The following KIF1B variants were observed in gnomAD, a reference collection of about 807,000 sequenced individuals.
KIF1B encodes the protein kinesin-like protein KIF1B.
Under a neutral mutation model 241.9 loss-of-function variants are expected in KIF1B, and 76 were observed. That is an observed-to-expected ratio of 0.31 (90% confidence interval 0.26 to 0.38). KIF1B has a LOEUF of 0.38. Among genes scored for constraint, KIF1B ranks in the 10% least tolerant of loss-of-function variants. The pLI is 1.00. For missense variants in KIF1B, 1,622 were observed against 2,271.4 expected, an observed-to-expected ratio of 0.71 and a Z score of 5.81; for synonymous variants, 750 against 796.7, an observed-to-expected ratio of 0.94 and a Z score of 0.99.
chr1:10,343,383 A>G (rs543900769), intron 34 of KIF1B, 96 bp downstream of exon 34: 41 of 1,105,194 alleles, frequency 3.7e-5, no homozygotes, highest in Middle Eastern at 1.9e-4. Flanking sequence ...TTGAATTCCT[A>G]TTCTTCTATA....
chr1:10,257,789 C>T (rs1454626646), intron 3 of KIF1B, among the ~76,000 whole-genome samples: 1 of 152,134 alleles, frequency 6.6e-6, no homozygotes, highest in Non-Finnish European at 1.5e-5. Flanking sequence ...AGTTCTCCTG[C>T]TTCAGCCTCC....
chr1:10,318,929 A>G (rs4284268), intron 22 of KIF1B, among the ~76,000 whole-genome samples: 2 of 152,130 alleles, frequency 1.3e-5, no homozygotes, highest in African/African-American at 4.8e-5. Flanking sequence ...TACCTCAGAT[A>G]TACTACATAT....
rs1371178343 is a variant in KIF1B at position 10,232,402 on chromosome 1, A to C, written c.74A>C (p.Lys25Thr). Reference protein sequence around the residue: ...FNSRETSKESKCIIQMQGNST... With the variant: ...FNSRETSKESTCIIQMQGNST... ...TCTCGAGAGACCAGCAAGGAATCCA[A>C]ATGCATCATTCAGATGCAAGGCAAC... Residue 25 changes from lysine (K) to threonine (T), a missense_variant, in exon 2 of 49, where the codon AAA becomes ACA. Physicochemically the swap from Lys to Thr is moderately conservative, Grantham distance 78. Coordinates refer to ENST00000676179, the MANE Select transcript of KIF1B (RefSeq NM_001365951.3). The C allele has an allele frequency of 6.2e-7, 1 of 1,613,930 alleles. No individual in the cohort carries two copies. Among genetic ancestry groups the C allele is most frequent in the Non-Finnish European group, 8.5e-7 (1 of 1,179,956 alleles).
intron 1 of KIF1B, among the ~76,000 whole-genome samples, chr1:10,217,237 A>T (rs1399747037): frequency 6.7e-6 from 1 of 149,706 alleles, no homozygotes; most frequent in Non-Finnish European, 1.5e-5. Flanking sequence ...GCCTTCCAAA[A>T]TGTTGGGATT....
At chr1:10,339,148 T>C (rs938141130) in intron 31 of KIF1B, among the ~76,000 whole-genome samples, 5 of 152,208 alleles carry the variant, frequency 3.3e-5, no homozygotes, top group African/African-American at 1.2e-4. Flanking sequence ...ATATAGCCCA[T>C]TGTTTTAACA....
chr1:10,258,486 T>C lies in KIF1B; in HGVS notation c.184-7T>C, dbSNP rs1337188909. The C allele has an allele frequency of 1.3e-6, 2 of 1,539,450 alleles. No homozygotes were observed. The highest frequency in any genetic ancestry group is 2.2e-5 in the South Asian group (2 of 90,676). ...AGGTTATTTATTTCTCCTTTTACTCTTTACAGCCCGAAGATCCCTGTTTTG... is the reference window on the plus strand; with the variant it reads ...AGGTTATTTATTTCTCCTTTTACTCCTTACAGCCCGAAGATCCCTGTTTTG... On this transcript the variant is annotated splice_region_variant and splice_polypyrimidine_tract_variant and intron_variant, in intron 3 of 48. Coordinates refer to ENST00000676179, the MANE Select transcript of KIF1B (RefSeq NM_001365951.3).
At chr1:10,319,995 T>C in intron 22 of KIF1B, 48 bp from the exon 23 acceptor site, 1 of 1,246,456 alleles carries the variant, frequency 8.0e-7, no homozygotes, top group Non-Finnish European at 1.2e-6. Flanking sequence ...TTCCCTGCCC[T>C]CTTATTTCTT....
chr1:10,249,102 G>A lies in KIF1B; in HGVS notation c.107-7145G>A, dbSNP rs147326813. Among the ~76,000 whole-genome samples, 26 of 152,308 alleles carry A rather than the reference G, an allele frequency of 1.7e-4. No individual in the cohort carries two copies. The East Asian group carries it at 4.6e-3, about 27-fold the overall frequency. ...GCGACTTGTCCTAGACAAAGCCTAC[G>A]TGCTGATTCCATGTGACCCTGGGGG... On this transcript the variant is annotated intron_variant, in intron 2 of 48. Transcript: ENST00000676179.
chr1:10,231,960 G>C (rs1646989012), intron 1 of KIF1B, among the ~76,000 whole-genome samples: 1 of 151,990 alleles, frequency 6.6e-6, no homozygotes, highest in Non-Finnish European at 1.5e-5. Flanking sequence ...GGGAATATAA[G>C]ATTTGTCGGG....
At chr1:10,240,813 C>T (rs1364204391) in intron 2 of KIF1B, among the ~76,000 whole-genome samples, 1 of 148,134 alleles carries the variant, frequency 6.8e-6, no homozygotes, top group Non-Finnish European at 1.5e-5. Flanking sequence ...ATCCTCCTAC[C>T]TTGGCTTCCT....
In KIF1B at chr1:10,309,348, A is replaced by G. The variant is rs570825087; in HGVS notation, c.2116-10695A>G. On this transcript the variant is annotated intron_variant, in intron 22 of 48. Coordinates refer to ENST00000676179, the MANE Select transcript of KIF1B (RefSeq NM_001365951.3). ...CGGAGAAACTGTTGGAAAAGTTGCA[A>G]TGTCCCTACCGTTTATAGGGTGACA... Among the ~76,000 whole-genome samples, 3 of 152,260 alleles carry G rather than the reference A, an allele frequency of 2.0e-5. No individual in the cohort carries two copies. In the East Asian group the frequency reaches 5.8e-4, roughly 29 times the overall value.
At chr1:10,240,714 G>A (rs929442510) in intron 2 of KIF1B, among the ~76,000 whole-genome samples, 2 of 142,766 alleles carry the variant, frequency 1.4e-5, no homozygotes, top group Non-Finnish European at 3.0e-5. Context: ...GAATTTATGG[G>A]TAGTTCATTT....
rs566526002 is a variant in KIF1B at position 10,326,126 on chromosome 1, C to T, written c.2691C>T (p.His897=). The change falls in exon 27 of 49, where the codon CAC becomes CAT. Residue 897 remains histidine, a synonymous_variant. Transcript: ENST00000676179. The surrounding 1 kb of genome is among the most constrained non-coding windows in gnomAD (Gnocchi z 5.2). ...TGGTGTCTAGCTCCCCCATTTTCCA[C>T]GGCTGTGTGAACGAGCGCCTTGCCG... ...FKLVGSSPIF[H]GCVNERLADR... 30 of 1,614,110 alleles carry T rather than the reference C, an allele frequency of 1.9e-5. No homozygotes were observed. The highest frequency in any genetic ancestry group is 1.3e-4 in the East Asian group (6 of 44,882).
chr1:10,226,630 T>C (rs1360966325), intron 1 of KIF1B, among the ~76,000 whole-genome samples: 1 of 152,168 alleles, frequency 6.6e-6, no homozygotes, highest in African/African-American at 2.4e-5. Flanking sequence ...TTCCTTAATA[T>C]CATCTAATAC....
rs3215996 is a variant in KIF1B, at chr1:10,339,753, TA to T, written c.3423-15del. 0.024 allele frequency: 38,816 copies of T among 1,605,900 alleles called. 170 individuals carry two copies. The highest frequency in any genetic ancestry group is 0.08 in the Middle Eastern group (477 of 5,994). The stretch of plus-strand genomic sequence containing the variant: ...TTAATGCATTGTTCACGAGTCTTTT[TA>T]TTTTTTTTATGAAGCTTTTTGCATC... On this transcript the variant is annotated splice_polypyrimidine_tract_variant and intron_variant, in intron 31 of 48. Transcript: ENST00000676179.
intron 1 of KIF1B, chr1:10,211,788 C>T (rs1461092284): frequency 6.6e-6 from 1 of 151,136 alleles, no homozygotes; most frequent in Non-Finnish European, 1.5e-5. Context: ...TTCCGTGTTT[C>T]TCTATTCATC....
intron 2 of KIF1B, among the ~76,000 whole-genome samples, chr1:10,244,758 G>A (rs1289967493): frequency 2.6e-5 from 4 of 151,636 alleles, no homozygotes; most frequent in African/African-American, 7.3e-5. Flanking sequence ...GACTACAGGC[G>A]CCCACCACCA....
Position 10,337,303 on chromosome 1 carries a change from A to G in KIF1B, c.3260-68A>G. 6.2e-7 allele frequency: 1 copy of G among 1,612,902 alleles called. No homozygotes were observed. Among genetic ancestry groups the G allele is most frequent in the Non-Finnish European group, 8.5e-7 (1 of 1,178,878 alleles). ...AGTGGCCTTCATCAACTAGGAATGG[A>G]AAGCATGCCCAACTCCCTCCTCTTT... On this transcript the variant is annotated intron_variant, in intron 30 of 48. Coordinates refer to ENST00000676179, the MANE Select transcript of KIF1B (RefSeq NM_001365951.3). The surrounding 1 kb of genome is among the most constrained non-coding windows in gnomAD (Gnocchi z 4.0).
At chr1:10,367,455 G>A (rs1224035003) in intron 43 of KIF1B, among the ~76,000 whole-genome samples, 1 of 151,846 alleles carries the variant, frequency 6.6e-6, no homozygotes, top group Non-Finnish European at 1.5e-5. Flanking sequence ...TGTAATCCCA[G>A]CACTTTGGGA....
Sources: allele counts gnomAD v4.1 joint callset (sites outside exome capture counted in the v4.1 genomes callset), GRCh38; gene constraint gnomAD v4.1.1; non-coding constraint Gnocchi (gnomAD v3.1); transcripts MANE v1.5; gene names NCBI Gene and HGNC (gene_info 2026-07-23, HGNC 2026-07-21).